Variants in ZMAT1 observed in about 807,000 individuals in gnomAD.
ZMAT1 encodes the protein zinc finger matrin-type 1, also known as zinc finger matrin-type protein 1.
Under a neutral mutation model 18.5 loss-of-function variants are expected in ZMAT1, and 11 were observed. The ratio of observed to expected loss-of-function variants is 0.59; its 90% CI spans 0.37 to 0.98. The LOEUF is 0.98. Ranked by LOEUF, ZMAT1 falls within the 50% of genes least tolerant of loss-of-function variation. The probability of loss-of-function intolerance (pLI) is 0.01; values close to 1 mark genes in which losing one functional copy is unlikely to be tolerated. For synonymous variants in ZMAT1, 211 were observed against 176.4 expected, an observed-to-expected ratio of 1.20 and a Z score of -1.55; for missense variants, 525 against 496.2, an observed-to-expected ratio of 1.06 and a Z score of -0.55.
chrX:101,885,808 C>T (rs1328450890), intron 5 of ZMAT1, among the ~76,000 whole-genome samples: 1 of 110,595 alleles, frequency 9.0e-6, no homozygotes, highest in Non-Finnish European at 1.9e-5. Flanking sequence ...CTTAGCTACC[C>T]AAGTAGCTGT....
At chrX:101,888,316 G>T (rs1021672548) in intron 4 of ZMAT1, 1 of 111,124 alleles carries the variant, frequency 9.0e-6, no homozygotes, top group Non-Finnish European at 1.9e-5. Context: ...ACCTCTTTTA[G>T]GAAATTCGTA....
chrX:101,916,318 G>T (rs1184603810), intron 1 of ZMAT1, among the ~76,000 whole-genome samples: 2 of 111,235 alleles, frequency 1.8e-5, no homozygotes, highest in African/African-American at 6.6e-5. Context: ...ATGATGGGTT[G>T]ATAGGTCCAG....
chrX:101,907,932 T>C (rs974239303), intron 1 of ZMAT1, among the ~76,000 whole-genome samples: 1 of 112,020 alleles, frequency 8.9e-6, no homozygotes, highest in East Asian at 2.8e-4. Context: ...CCTATACCTA[T>C]ACCTATATTA....
At position 101,930,686 on chromosome X, in the gene ZMAT1, A is replaced by C. The variant is rs895516886; in HGVS notation, c.292+1031T>G. Among the ~76,000 whole-genome samples, 3 of 112,472 alleles carry C rather than the reference A, an allele frequency of 2.7e-5. No homozygotes were observed. The Admixed American group carries it at 2.8e-4, about 11-fold the overall frequency. On this transcript the variant is annotated intron_variant, in intron 1 of 5. Coordinates refer to ENST00000651725, the MANE Select transcript of ZMAT1 (RefSeq NM_001394560.1). ...GCAAGTTAGCAACATAAGGTAACAC[A>C]GCAAATTCTGGAAATTAATTACGAA...
At chrX:101,892,651 A>C (rs1464577757) in intron 4 of ZMAT1, 2 of 647,817 alleles carry the variant, frequency 3.1e-6, no homozygotes, top group Non-Finnish European at 3.7e-6. Flanking sequence ...TAATGGGGCC[A>C]AAAATTAGTA....
At chrX:101,908,202 T>G (rs752065055) in intron 1 of ZMAT1, among the ~76,000 whole-genome samples, 1 of 112,596 alleles carries the variant, frequency 8.9e-6, no homozygotes, top group South Asian at 3.7e-4. Context: ...ATCAGCAGTG[T>G]AAATAAGTTA....
intron 2 of ZMAT1, among the ~76,000 whole-genome samples, chrX:101,899,043 CA>C (rs1008210220): frequency 5.7e-5 from 6 of 105,037 alleles, no homozygotes; most frequent in Admixed American, 3.1e-4. Context: ...GACTCTGTCT[CA>C]AAAAAAAAAT....
At chrX:101,914,740 AT>A in intron 1 of ZMAT1, among the ~76,000 whole-genome samples, 1 of 111,337 alleles carries the variant, frequency 9.0e-6, no homozygotes, top group Non-Finnish European at 1.9e-5. Context: ...CCGGGACCTA[AT>A]TGCTAAATTC....
intron 2 of ZMAT1, 111 bp from the exon 3 acceptor site, chrX:101,898,331 CTT>C: frequency 1.6e-6 from 1 of 612,634 alleles, no homozygotes; most frequent in Non-Finnish European, 2.5e-6. Context: ...TTTAGTCAAA[CTT>C]GGTACAGACT....
chrX:101,929,436 TATATATATATATA>T (rs1233134344), intron 1 of ZMAT1, among the ~76,000 whole-genome samples: 5 of 72,117 alleles, frequency 6.9e-5, no homozygotes, highest in African/African-American at 4.5e-4. Context: ...TATATATATA[TATATATATATATA>T]TATATATACA....
intron 4 of ZMAT1, among the ~76,000 whole-genome samples, chrX:101,895,568 A>T (rs1927738598): frequency 9.0e-6 from 1 of 111,551 alleles, no homozygotes; most frequent in South Asian, 3.7e-4. Context: ...CCTATGAAAA[A>T]GTTTTGGGAT....
chrX:101,911,466 AACT>A, intron 1 of ZMAT1: 3 of 625,341 alleles, frequency 4.8e-6, no homozygotes, highest in Non-Finnish European at 7.2e-6. Context: ...CAAAAAGAAT[AACT>A]ACAACTTTTC....
rs1926744002 is a variant in ZMAT1 at position 101,884,323 on chromosome X, G to A, written c.1275C>T (p.Tyr425=). 2.5e-6 allele frequency: 3 copies of A among 1,208,828 alleles called. No homozygotes were observed. Among genetic ancestry groups the A allele is most frequent in the South Asian group, 1.8e-5 (1 of 56,773 alleles). ...ACTGGCTTTCCACTGGTGAAATATG[G>A]TATGGTCGTTGGTAGGTCTGGGAAG... ...HEASQTYQRP[Y]HISPVESQLP... The change falls in exon 6 of 6, where the codon TAC becomes TAT. Residue 425 remains tyrosine, a synonymous_variant. Coordinates refer to ENST00000651725, the MANE Select transcript of ZMAT1 (RefSeq NM_001394560.1).
At chrX:101,929,057 A>T (rs1019561168) in intron 1 of ZMAT1, among the ~76,000 whole-genome samples, 2 of 102,510 alleles carry the variant, frequency 2.0e-5, no homozygotes, top group Non-Finnish European at 4.0e-5. Flanking sequence ...TTTACTGCTC[A>T]ATGTCCCATT....
At chrX:101,895,889 T>C in intron 4 of ZMAT1, 1 of 733,139 alleles carries the variant, frequency 1.4e-6, no homozygotes, top group Non-Finnish European at 1.6e-6. Flanking sequence ...CCTGCTGAAA[T>C]AGTTGTAATA....
At chrX:101,905,348 G>A (rs1928538789) in intron 1 of ZMAT1, among the ~76,000 whole-genome samples, 1 of 112,290 alleles carries the variant, frequency 8.9e-6, no homozygotes, top group Non-Finnish European at 1.9e-5. Context: ...AAAACTTTCT[G>A]CATTTACACT....
At chrX:101,907,071 A>T (rs1928666668) in intron 1 of ZMAT1, among the ~76,000 whole-genome samples, 1 of 111,466 alleles carries the variant, frequency 9.0e-6, no homozygotes, top group South Asian at 3.7e-4. Context: ...ATAATCCAAG[A>T]CACCCCAGTG....
chrX:101,923,826 A>G (rs1929881612), intron 1 of ZMAT1, among the ~76,000 whole-genome samples: 2 of 111,859 alleles, frequency 1.8e-5, no homozygotes, highest in African/African-American at 6.5e-5. Flanking sequence ...TTATCTTTCA[A>G]TCTAATTAAG....
In ZMAT1 at chrX:101,927,794, AAG is replaced by A. The variant is rs1930147208; in HGVS notation, c.292+3921_292+3922del. On this transcript the variant is annotated intron_variant, in intron 1 of 5. Transcript: ENST00000651725. ...GGTTAGTAAATGTGAATGAATCTGC[AAG>A]GCTGGTTTCAGATGAGAAAGAATCA... Among the ~76,000 whole-genome samples, 6 of 112,251 alleles carry A rather than the reference AAG, an allele frequency of 5.3e-5. No homozygotes were observed. In the Admixed American group the frequency reaches 5.7e-4, roughly 11 times the overall value.
Sources: gnomAD v4.1 joint callset for allele counts (sites outside exome capture counted in the v4.1 genomes callset) on GRCh38, gnomAD v4.1.1 for gene constraint, MANE v1.5 for transcripts, NCBI Gene and HGNC (gene_info 2026-07-23, HGNC 2026-07-21) for gene names.